ZFAND2B: variants seen among roughly 807,000 people sequenced by gnomAD.
ZFAND2B encodes zinc finger AN1-type containing 2B, also known as AN1-type zinc finger protein 2B.
ZFAND2B carries 27 observed loss-of-function variants against 38.2 expected under a neutral mutation model. The ratio of observed to expected loss-of-function variants is 0.71; its 90% confidence interval spans 0.52 to 0.97. ZFAND2B has a LOEUF of 0.97. ZFAND2B is among the 50% of genes least tolerant of loss of function. ZFAND2B has a pLI of 0.00. For synonymous variants in ZFAND2B, 111 were observed against 119.4 expected, an observed-to-expected ratio of 0.93 and a Z score of 0.46; for missense variants, 303 against 331.5, an observed-to-expected ratio of 0.91 and a Z score of 0.67.
In ZFAND2B at chr2:219,207,898, T is replaced by G; in HGVS notation, c.294T>G (p.Asn98Lys). Reference sequence around the variant, plus strand: ...TCACTTCACCTCAGATCTTCACCAATAAGTGTGAACGCGCTGGCTGCCGGC... The same window carrying G: ...TCACTTCACCTCAGATCTTCACCAAGAAGTGTGAACGCGCTGGCTGCCGGC... ...PAQQKRKIFT[N>K]KCERAGCRQR... is the part of the protein sequence containing the mutation. The change falls in exon 4 of 9, where the codon AAT (asparagine) becomes AAG (lysine). Residue 98 changes from asparagine (N) to lysine (K), a missense_variant. Asn to Lys is a moderately conservative substitution (Grantham distance 94, BLOSUM62 0). Transcript: ENST00000289528. 2 of 1,614,062 alleles carry G rather than the reference T, an allele frequency of 1.2e-6. No homozygotes were observed. The highest frequency in any genetic ancestry group is 1.7e-6 in the Non-Finnish European group (2 of 1,180,014).
At position 219,206,785 on chromosome 2, in the gene ZFAND2B, A is replaced by G. The variant is rs1950488034; in HGVS notation, c.-203A>G. ...CGCGCCAGCCCTGCGGGATGACGTCAGCGCGCCGCGCGCGCCGAGGGAGGA... is the reference window on the plus strand; with the variant it reads ...CGCGCCAGCCCTGCGGGATGACGTCGGCGCGCCGCGCGCGCCGAGGGAGGA... On this transcript the variant is annotated 5_prime_UTR_variant, in exon 1 of 9. Coordinates refer to ENST00000289528, the MANE Select transcript of ZFAND2B (RefSeq NM_138802.3). 1 of 460,418 alleles carries G rather than the reference A, an allele frequency of 2.2e-6. No individual in the cohort carries two copies. The highest frequency in any genetic ancestry group is 3.7e-6 in the Non-Finnish European group (1 of 269,678). 28.5% of individuals were successfully genotyped at this position (460,418 alleles called of 1,614,324 possible).
chr2:219,209,184 A>G (rs982525861), intron 8 of ZFAND2B, 78 bp from the exon 9 acceptor site: 16 of 1,568,816 alleles, frequency 1.0e-5, no homozygotes, highest in Admixed American at 1.8e-5. Context: ...GCCCATGCTG[A>G]GCTCTGAAAT....
rs1355351548 is a variant in ZFAND2B, at chr2:219,206,857, T to G, written c.-131T>G. 2.0e-6 allele frequency: 2 copies of G among 988,810 alleles called. No homozygotes were observed. Among genetic ancestry groups the G allele is most frequent in the African/African-American group, 3.5e-5 (2 of 57,498 alleles). The allele number at this position is 988,810 out of a possible 1,614,324, so 61.3% of individuals were successfully genotyped here. A position where few individuals can be genotyped will look rare whatever the true frequency, so the allele number is the denominator to read the frequency against. On this transcript the variant is annotated 5_prime_UTR_variant, in exon 1 of 9. Coordinates refer to ENST00000289528, the MANE Select transcript of ZFAND2B (RefSeq NM_138802.3). ...GCGCGGGGGCTCCGGTAACCCGGGC[T>G]GGGCGGGGGAGAGGAAGGGGCGGGG...
Position 219,208,239 on chromosome 2 carries a change from ATC to A in ZFAND2B, c.435-11_435-10del, listed in dbSNP as rs753115822. The A allele has an allele frequency of 4.3e-6, 7 of 1,613,840 alleles. No individual in the cohort carries two copies. The highest frequency in any genetic ancestry group is 4.2e-6 in the Non-Finnish European group (5 of 1,179,866). On this transcript the variant is annotated splice_polypyrimidine_tract_variant and intron_variant, in intron 4 of 8. Coordinates refer to ENST00000289528, the MANE Select transcript of ZFAND2B (RefSeq NM_138802.3). The stretch of plus-strand genomic sequence containing the variant: ...GCTAGTTCTTGGAGACATGCCAAAA[ATC>A]TCTCTTCCCTACAGACTTGCTGCCA...
At chr2:219,207,564 G>A (rs541046019) in intron 2 of ZFAND2B, 84 bp from the exon 3 acceptor site, 1 of 1,596,602 alleles carries the variant, frequency 6.3e-7, no homozygotes, top group African/African-American at 1.3e-5. Context: ...CGTGTTTGTG[G>A]TGGGTCATAT....
chr2:219,208,521 A>G, intron 6 of ZFAND2B, 35 bp downstream of exon 6: 1 of 1,614,224 alleles, frequency 6.2e-7, no homozygotes, highest in Non-Finnish European at 8.5e-7. Flanking sequence ...ACAGAAACAA[A>G]CACACAGAGA....
intron 1 of ZFAND2B, 44 bp downstream of exon 1, chr2:219,207,086 A>T (rs1249844762): frequency 6.6e-7 from 1 of 1,518,102 alleles, no homozygotes; most frequent in East Asian, 2.5e-5. Flanking sequence ...GCGGACAGGG[A>T]CTTTGAACCG....
intron 7 of ZFAND2B, 68 bp downstream of exon 7, chr2:219,208,707 G>A (rs1246918174): frequency 6.4e-7 from 1 of 1,565,086 alleles, no homozygotes. Context: ...GCAGGTAGGT[G>A]GGACCACTCT....
At chr2:219,207,839 A>G (rs1463824927) in intron 3 of ZFAND2B, 48 bp from the exon 4 acceptor site, 1 of 1,613,408 alleles carries the variant, frequency 6.2e-7, no homozygotes, top group Non-Finnish European at 8.5e-7. Context: ...GGAAACCCAA[A>G]CAGCTAATCA....
At chr2:219,208,851 A>G in intron 7 of ZFAND2B, 126 bp from the exon 8 acceptor site, 1 of 1,110,496 alleles carries the variant, frequency 9.0e-7, no homozygotes. Context: ...CCCACCTTGT[A>G]GTGTTGCTAT....
At position 219,206,931 on chromosome 2, in the gene ZFAND2B, G is replaced by C; in HGVS notation, c.-57G>C. Reference sequence around the variant, plus strand: ...GTCGCGGTGCGGACTTCGAGCACGAGCCCTAAAGACGCTCAGCACTCGTCG... The same window carrying C: ...GTCGCGGTGCGGACTTCGAGCACGACCCCTAAAGACGCTCAGCACTCGTCG... On this transcript the variant is annotated 5_prime_UTR_variant, in exon 1 of 9. Transcript: ENST00000289528. The C allele has an allele frequency of 6.3e-7, 1 of 1,589,310 alleles. No individual in the cohort carries two copies. The highest frequency in any genetic ancestry group is 8.6e-7 in the Non-Finnish European group (1 of 1,163,414).
intron 3 of ZFAND2B, 45 bp from the exon 4 acceptor site, chr2:219,207,842 G>C (rs778373332): frequency 3.2e-5 from 52 of 1,613,604 alleles, no homozygotes; most frequent in Non-Finnish European, 4.3e-5. Context: ...AACCCAAACA[G>C]CTAATCAGAG....
rs1001552057 is a variant in ZFAND2B, at chr2:219,207,047, G to C, written c.55+5G>C. 1.9e-6 allele frequency: 3 copies of C among 1,602,100 alleles called. No individual in the cohort carries two copies. In the African/African-American group the frequency reaches 4.0e-5, roughly 22 times the overall value. ...AGCCGAGCTGTCAGCGCTTGGGTGA[G>C]GGGCGGAGCGCGCGGGGGGCGGGGC... On this transcript the variant is annotated splice_donor_5th_base_variant and intron_variant, in intron 1 of 8. Coordinates refer to ENST00000289528, the MANE Select transcript of ZFAND2B (RefSeq NM_138802.3).
In ZFAND2B at chr2:219,206,824, G is replaced by A. The variant is rs1024890559; in HGVS notation, c.-164G>A. 7.2e-6 allele frequency: 5 copies of A among 691,398 alleles called. No individual in the cohort carries two copies. The highest frequency in any genetic ancestry group is 7.0e-5 in the East Asian group (2 of 28,428). The allele number at this position is 691,398 out of a possible 1,614,324, so 42.8% of individuals were successfully genotyped here. ...GCCGAGGGAGGAGCGGGCGCCGGGG[G>A]CCGGCTGGCGCGGGGGCTCCGGTAA... On this transcript the variant is annotated 5_prime_UTR_variant, in exon 1 of 9. Transcript: ENST00000289528.
In ZFAND2B at chr2:219,208,470, C is replaced by T. The variant is rs1412810744; in HGVS notation, c.572C>T (p.Ala191Val). The change falls in exon 6 of 9, where the codon GCT (alanine) becomes GTT (valine). Residue 191 changes from alanine to valine, a missense_variant. Transcript: ENST00000289528. The stretch of plus-strand genomic sequence containing the variant: ...TCCTGGACAGCCCCTCCAGTGATTG[C>T]TTTGCAGAATGGCCTGGTGAGTTGG... ...SPSWTAPPVI[A>V]LQNGLSEDEA... The T allele has an allele frequency of 6.2e-7, 1 of 1,614,252 alleles. No homozygotes were observed. The highest frequency in any genetic ancestry group is 1.7e-5 in the Admixed American group (1 of 60,026).
At position 219,206,801 on chromosome 2, in the gene ZFAND2B, C is replaced by A; in HGVS notation, c.-187C>A. On this transcript the variant is annotated 5_prime_UTR_variant, in exon 1 of 9. Transcript: ENST00000289528. ...GATGACGTCAGCGCGCCGCGCGCGC[C>A]GAGGGAGGAGCGGGCGCCGGGGGCC... 2 of 525,364 alleles carry A rather than the reference C, an allele frequency of 3.8e-6. No individual in the cohort carries two copies. Among genetic ancestry groups the A allele is most frequent in the Non-Finnish European group, 3.1e-6 (1 of 320,326 alleles). The allele number at this position is 525,364 out of a possible 1,614,324, so 32.5% of individuals were successfully genotyped here. A position where few individuals can be genotyped will look rare whatever the true frequency, so the allele number is the denominator to read the frequency against.
intron 6 of ZFAND2B, 34 bp downstream of exon 6, chr2:219,208,520 A>C (rs577464458): frequency 1.9e-6 from 3 of 1,614,238 alleles, no homozygotes; most frequent in African/African-American, 1.3e-5. Flanking sequence ...GACAGAAACA[A>C]ACACACAGAG....
rs759676125 is a variant in ZFAND2B, at chr2:219,209,336, TGAG to T, written c.*36_*38del. 2.5e-6 allele frequency: 4 copies of T among 1,605,300 alleles called. No homozygotes were observed. The African/African-American group carries it at 4.0e-5, about 16-fold the overall frequency. On this transcript the variant is annotated 3_prime_UTR_variant, in exon 9 of 9. Transcript: ENST00000289528. ...CTGGGCTTGGGGAGGGAGGTTCACC[TGAG>T]GAGGACTGTGGCCCTCACACCTCTA...
chr2:219,208,549 T>A (rs780067568), intron 6 of ZFAND2B, 23 bp from the exon 7 acceptor site: 1 of 1,614,270 alleles, frequency 6.2e-7, no homozygotes, highest in East Asian at 2.2e-5. Flanking sequence ...CCAAGGACGC[T>A]GGTCTTCTTT....
Sources: allele counts gnomAD v4.1 joint callset, GRCh38; gene constraint gnomAD v4.1.1; transcripts MANE v1.5; gene names NCBI Gene and HGNC (gene_info 2026-07-23, HGNC 2026-07-21).